The following CENPO variants were observed in gnomAD, a reference collection of about 807,000 sequenced individuals.
CENPO encodes centromere protein O.
A neutral mutation model predicts 36.1 loss-of-function variants in CENPO; 30 were observed. That is an observed-to-expected ratio of 0.83 (90% CI 0.62 to 1.13). The LOEUF (loss-of-function observed/expected upper bound fraction) is 1.13, where lower values mean the gene tolerates loss of function less well. Among genes scored for constraint, CENPO ranks in the 50% most tolerant of loss-of-function variants. The pLI is 0.00. For synonymous variants in CENPO, 171 were observed against 142.3 expected, an observed-to-expected ratio of 1.20 and a Z score of -1.44; for missense variants, 349 against 357.8, an observed-to-expected ratio of 0.98 and a Z score of 0.20.
intron 3 of CENPO, among the ~76,000 whole-genome samples, chr2:24,812,924 T>A (rs911370387): frequency 2.5e-5 from 3 of 122,124 alleles, no homozygotes; most frequent in Non-Finnish European, 3.5e-5. Context: ...TTTTTTTTTT[T>A]AATTCAATGA....
intron 3 of CENPO, among the ~76,000 whole-genome samples, chr2:24,812,176 A>G (rs553176376): frequency 6.6e-6 from 1 of 152,168 alleles, no homozygotes; most frequent in Non-Finnish European, 1.5e-5. Flanking sequence ...TTAAGAGTAT[A>G]TTTGGTGAGT....
Position 24,821,367 on chromosome 2 carries a change from G to A in CENPO, c.*2049G>A, listed in dbSNP as rs996784741. ...TCATCTAGAGTCGTCTGGACTAAAG[G>A]TCTTTCAGGTCTCCTTGCCCTGTGA... On this transcript the variant is annotated 3_prime_UTR_variant, in exon 8 of 8. Coordinates refer to ENST00000380834, the MANE Select transcript of CENPO (RefSeq NM_001322101.2). 1.7e-6 allele frequency: 2 copies of A among 1,166,198 alleles called. No homozygotes were observed. The allele number at this position is 1,166,198 out of a possible 1,614,324, so 72.2% of individuals were successfully genotyped here.
At chr2:24,808,833 G>A (rs188206390) in intron 3 of CENPO, among the ~76,000 whole-genome samples, 1 of 150,718 alleles carries the variant, frequency 6.6e-6, no homozygotes, top group East Asian at 1.9e-4. Context: ...ACTTTGTCAG[G>A]TTTTGGCATC....
chr2:24,811,282 C>CTT (rs70947848), intron 3 of CENPO, among the ~76,000 whole-genome samples: 20 of 105,546 alleles, frequency 1.9e-4, no homozygotes, highest in Non-Finnish European at 1.6e-4. Flanking sequence ...AGTCCATGAA[C>CTT]TTTTTTTTTT....
chr2:24,793,727 G>A, intron 1 of CENPO, 125 bp from the exon 2 acceptor site: 1 of 960,980 alleles, frequency 1.0e-6, no homozygotes, highest in Non-Finnish European at 1.6e-6. Flanking sequence ...TCAGGAAAGG[G>A]GATCCTAGCC....
At chr2:24,817,537 AC>A in intron 6 of CENPO, 132 bp from the exon 7 acceptor site, 1 of 1,146,656 alleles carries the variant, frequency 8.7e-7, no homozygotes, top group Middle Eastern at 2.9e-4. Flanking sequence ...CCCCAGCTGC[AC>A]TGAGTGAGAT....
At chr2:24,809,172 A>C (rs1227947717) in intron 3 of CENPO, among the ~76,000 whole-genome samples, 1 of 152,204 alleles carries the variant, frequency 6.6e-6, no homozygotes, top group Non-Finnish European at 1.5e-5. Flanking sequence ...AGGATGGATC[A>C]GTGATGATGT....
In CENPO at chr2:24,817,841, GGTAAGTAACCA is replaced by G. The variant is rs1558383615; in HGVS notation, c.*35+4_*35+14del. 29 of 1,613,220 alleles carry G rather than the reference GGTAAGTAACCA, an allele frequency of 1.8e-5. No homozygotes were observed. The highest frequency in any genetic ancestry group is 2.3e-5 in the Non-Finnish European group (27 of 1,179,664). ...TTCACTGCACTGGGAGCACATCAGAGGTAAGTAACCAGTACTGAAGACAGTACCAGGTGGGT... is the reference window on the plus strand; with the variant it reads ...TTCACTGCACTGGGAGCACATCAGAGGTACTGAAGACAGTACCAGGTGGGT... On this transcript the variant is annotated splice_donor_variant and splice_donor_5th_base_variant and intron_variant, in intron 7 of 7. Coordinates refer to ENST00000380834, the MANE Select transcript of CENPO (RefSeq NM_001322101.2). LOFTEE classifies it low-confidence loss of function (3UTR_SPLICE).
intron 3 of CENPO, among the ~76,000 whole-genome samples, 170 bp downstream of exon 3, chr2:24,800,014 G>A (rs534950180): frequency 3.5e-4 from 54 of 152,312 alleles, no homozygotes; most frequent in African/African-American, 9.4e-4. Flanking sequence ...GGCCAGGCAC[G>A]GTGGCTCATG....
chr2:24,794,064 G>A (rs144642673), intron 2 of CENPO, 99 bp downstream of exon 2: 1 of 912,674 alleles, frequency 1.1e-6, no homozygotes, highest in African/African-American at 1.6e-5. Context: ...GACCTGGCCT[G>A]TTTGGGAGCA....
chr2:24,806,344 C>T (rs534314019), intron 3 of CENPO, among the ~76,000 whole-genome samples: 22 of 152,278 alleles, frequency 1.4e-4, no homozygotes, highest in African/African-American at 3.1e-4. Context: ...ACCCACGGTC[C>T]GACACTTCCC....
intron 2 of CENPO, among the ~76,000 whole-genome samples, chr2:24,799,158 G>A (rs1338712141): frequency 1.3e-5 from 2 of 151,702 alleles, no homozygotes; most frequent in African/African-American, 4.8e-5. Context: ...CACCATGCCC[G>A]GCTAATTTTT....
In CENPO at chr2:24,815,618, C is replaced by T. The variant is rs907664496; in HGVS notation, c.456C>T (p.His152=). The change falls in exon 5 of 8, where the codon CAC becomes CAT. Residue 152 remains histidine (H), a synonymous_variant. Transcript: ENST00000380834. ...LVIQKPLRIH[H]HSVPVFIPLE... ...TACAGAAACCACTCCGGATACATCA[C>T]CATTCAGTCCCAGTCTTCATTCCCC... The T allele has an allele frequency of 1.9e-6, 3 of 1,614,160 alleles. No homozygotes were observed. Among genetic ancestry groups the T allele is most frequent in the Non-Finnish European group, 2.5e-6 (3 of 1,180,012 alleles).
At chr2:24,804,377 A>G (rs1439718583) in intron 3 of CENPO, among the ~76,000 whole-genome samples, 4 of 152,168 alleles carry the variant, frequency 2.6e-5, no homozygotes, top group Admixed American at 1.3e-4. Context: ...TTATGATGTT[A>G]GCTGGTTATT....
rs1292426850 is a variant in CENPO, at chr2:24,820,988, A to G, written c.*1670A>G. 2.4e-6 allele frequency: 3 copies of G among 1,252,422 alleles called. No homozygotes were observed. The East Asian group carries it at 7.4e-5, about 31-fold the overall frequency. The allele number at this position is 1,252,422 out of a possible 1,614,324, so 77.6% of individuals were successfully genotyped here. On this transcript the variant is annotated 3_prime_UTR_variant, in exon 8 of 8. Transcript: ENST00000380834. Reference sequence around the variant, plus strand: ...TCCTCATTCAACTTGGCTGTATGCTATTGGAGGGTGGAAATCACATCTCCT... The same window carrying G: ...TCCTCATTCAACTTGGCTGTATGCTGTTGGAGGGTGGAAATCACATCTCCT...
Position 24,810,429 on chromosome 2 carries a change from A to T in CENPO, c.217-3947A>T, listed in dbSNP as rs180825289. 9.2e-3 allele frequency among the ~76,000 whole-genome samples: 1,396 copies of T among 152,140 alleles called. 8 individuals carry two copies. The highest frequency in any genetic ancestry group is 0.016 in the Non-Finnish European group (1,086 of 68,012). ...AGCCCCTCATCTTTAAAACAAAATT[A>T]AAAATTAAAAAAAAGTTTACTTTGA... On this transcript the variant is annotated intron_variant, in intron 3 of 7. Transcript: ENST00000380834.
chr2:24,817,233 T>A (rs908376927), intron 6 of CENPO, among the ~76,000 whole-genome samples: 6 of 152,200 alleles, frequency 3.9e-5, no homozygotes, highest in Non-Finnish European at 8.8e-5. Context: ...CGGAGCAGTC[T>A]CTAAATGGAA....
chr2:24,812,496 T>C (rs1023714651), intron 3 of CENPO, among the ~76,000 whole-genome samples: 1 of 152,150 alleles, frequency 6.6e-6, no homozygotes, highest in African/African-American at 2.4e-5. Flanking sequence ...ATAGTGCATC[T>C]TCTCAGTTTT....
chr2:24,802,848 G>A (rs1666218720), intron 3 of CENPO, among the ~76,000 whole-genome samples: 1 of 152,172 alleles, frequency 6.6e-6, no homozygotes, highest in Admixed American at 6.5e-5. Context: ...CTCATAAAAT[G>A]AGTTAGGGAG....
Sources: gnomAD v4.1 joint callset for allele counts (sites outside exome capture counted in the v4.1 genomes callset) on GRCh38, gnomAD v4.1.1 for gene constraint, MANE v1.5 for transcripts, NCBI Gene and HGNC (gene_info 2026-07-23, HGNC 2026-07-21) for gene names.